IRGQ: variants seen among roughly 807,000 people sequenced by gnomAD.
IRGQ encodes the protein immunity related GTPase Q.
IRGQ carries 5 observed loss-of-function variants against 10.5 expected under a neutral mutation model. The ratio of observed to expected loss-of-function variants is 0.48; its 90% CI spans 0.25 to 1.00. IRGQ has a LOEUF of 1.00. IRGQ is among the 50% of genes least tolerant of loss of function. The probability of loss-of-function intolerance (pLI) is 0.16; values close to 1 mark genes in which losing one functional copy is unlikely to be tolerated. For missense variants in IRGQ, 792 were observed against 877.7 expected (o/e 0.90, Z 1.23); for synonymous variants, 418 against 426.0 (o/e 0.98, Z 0.23).
In IRGQ at chr19:43,592,091, G is replaced by A. The variant is rs753288288; in HGVS notation, c.1807C>T (p.Gln603Ter). The A allele has an allele frequency of 1.2e-6, 2 of 1,612,526 alleles. No homozygotes were observed. The highest frequency in any genetic ancestry group is 1.7e-6 in the Non-Finnish European group (2 of 1,179,754). The part of the protein sequence containing the change: ...GYRAAHGVLL[Q>*]ALDEMRADAE... ...TCAGCCCGCATCTCATCGAGAGCCT[G>A]CAGCAGGACGCCGTGAGCCGCTCGG... Residue 603 changes from glutamine to a stop codon, truncating the protein, a stop_gained, in exon 3 of 3, where the codon CAG (glutamine) becomes TAG (stop). Coordinates refer to ENST00000422989, the MANE Select transcript of IRGQ (RefSeq NM_001007561.3). LOFTEE classifies it high-confidence loss of function.
At position 43,595,153 on chromosome 19, in the gene IRGQ, G is replaced by A. The variant is rs1354463997; in HGVS notation, c.186C>T (p.Ser62=). 2 of 1,605,646 alleles carry A rather than the reference G, an allele frequency of 1.2e-6. No homozygotes were observed. Among genetic ancestry groups the A allele is most frequent in the Non-Finnish European group, 1.7e-6 (2 of 1,176,430 alleles). The change falls in exon 2 of 3, where the codon AGC becomes AGT. Residue 62 remains serine, a synonymous_variant. Coordinates refer to ENST00000422989, the MANE Select transcript of IRGQ (RefSeq NM_001007561.3). ...AGGGCCCCGGCGCTGCGGGTGGGCA[G>A]CTCAGCTCGCCCAGAAAAAGGCCTG... ...AGPGLFLGEL[S]CPPAAPGPWA... is the part of the protein sequence containing the mutation.
In IRGQ at chr19:43,592,595, G is replaced by T. The variant is rs199964549; in HGVS notation, c.1303C>A (p.Arg435=). The change falls in exon 3 of 3, where the codon CGG becomes AGG. Residue 435 remains arginine (R), a synonymous_variant. Coordinates refer to ENST00000422989, the MANE Select transcript of IRGQ (RefSeq NM_001007561.3). ...EEAPPPVFPL[R]PGGLPGLCEW... ...CATAGCCCTGGGAGTCCGCCAGGCCGTAGGGGGAACACTGGCGGCGGCGCC... is the reference window on the plus strand; with the variant it reads ...CATAGCCCTGGGAGTCCGCCAGGCCTTAGGGGGAACACTGGCGGCGGCGCC... 2 of 1,600,698 alleles carry T rather than the reference G, an allele frequency of 1.2e-6. No individual in the cohort carries two copies. Among genetic ancestry groups the T allele is most frequent in the Admixed American group, 1.7e-5 (1 of 60,014 alleles).
In IRGQ at chr19:43,593,231, C is replaced by T. The variant is rs1436490844; in HGVS notation, c.667G>A (p.Ala223Thr). Residue 223 changes from alanine to threonine, a missense_variant, in exon 3 of 3, where the codon GCA becomes ACA. Coordinates refer to ENST00000422989, the MANE Select transcript of IRGQ (RefSeq NM_001007561.3). The surrounding 1 kb of genome is among the most constrained non-coding windows in gnomAD (Gnocchi z 6.4). ...VRSGLERLGS[A>T]RLDLAVAGKA... ...CCAGCCACGGCCAGGTCTAGCCGTG[C>T]GCTGCCCAGGCGCTCCAGGCCTGAG... 1 of 1,585,700 alleles carries T rather than the reference C, an allele frequency of 6.3e-7. No homozygotes were observed. Among genetic ancestry groups the T allele is most frequent in the Non-Finnish European group, 8.6e-7 (1 of 1,164,154 alleles).
At position 43,592,407 on chromosome 19, in the gene IRGQ, G is replaced by T; in HGVS notation, c.1491C>A (p.Leu497=). ...LASLAAAAAP[L]PGLGWACDVA... ...CGTCGCATGCCCAGCCCAGCCCTGGGAGTGGTGCCGCCGCCGCCGCCAGAC... is the reference window on the plus strand; with the variant it reads ...CGTCGCATGCCCAGCCCAGCCCTGGTAGTGGTGCCGCCGCCGCCGCCAGAC... Residue 497 remains leucine (L), a synonymous_variant, in exon 3 of 3, where the codon CTC becomes CTA. Transcript: ENST00000422989. 1.3e-6 allele frequency: 2 copies of T among 1,576,604 alleles called. No homozygotes were observed. Among genetic ancestry groups the T allele is most frequent in the Non-Finnish European group, 1.7e-6 (2 of 1,169,248 alleles).
rs1973091355 is a variant in IRGQ at position 43,593,595 on chromosome 19, G to T, written c.531-228C>A. Among the ~76,000 whole-genome samples, 1 of 152,186 alleles carries T rather than the reference G, an allele frequency of 6.6e-6. No homozygotes were observed. Among genetic ancestry groups the T allele is most frequent in the South Asian group, 2.1e-4 (1 of 4,826 alleles). On this transcript the variant is annotated intron_variant, in intron 2 of 2. Coordinates refer to ENST00000422989, the MANE Select transcript of IRGQ (RefSeq NM_001007561.3). This position sits in a 1 kb window ranked among gnomAD's most constrained non-coding sequence, Gnocchi z 6.4. ...TGGAGTCTTGATTATTGGACGGGTG[G>T]ACATAAGGTCAGGTTTCCCACCCCA...
Position 43,595,018 on chromosome 19 carries a change from C to T in IRGQ, c.321G>A (p.Gly107=). ...GEAALAALAR[G]TPLLAVRNLR... ...GGTTCCGCACAGCCAGTAGCGGGGT[C>T]CCTCGGGCCAGGGCGGCCAGCGCTG... The change falls in exon 2 of 3, where the codon GGG becomes GGA. Residue 107 remains glycine, a synonymous_variant. Coordinates refer to ENST00000422989, the MANE Select transcript of IRGQ (RefSeq NM_001007561.3). 5.6e-6 allele frequency: 9 copies of T among 1,613,466 alleles called. No homozygotes were observed. The highest frequency in any genetic ancestry group is 7.6e-6 in the Non-Finnish European group (9 of 1,179,878).
At chr19:43,594,653 G>A (rs1600077120) in intron 2 of IRGQ, among the ~76,000 whole-genome samples, 156 bp downstream of exon 2, 2 of 152,062 alleles carry the variant, frequency 1.3e-5, no homozygotes, top group South Asian at 4.1e-4. Flanking sequence ...AGCCAACATA[G>A]CGAGACCCTG....
In IRGQ at chr19:43,592,071, C is replaced by T. The variant is rs1398550648; in HGVS notation, c.1827G>A (p.Arg609=). The T allele has an allele frequency of 6.2e-6, 10 of 1,612,362 alleles. No individual in the cohort carries two copies. The South Asian group carries it at 1.1e-4, about 18-fold the overall frequency. The change falls in exon 3 of 3, where the codon CGG becomes CGA. Residue 609 remains arginine (R), a synonymous_variant. Coordinates refer to ENST00000422989, the MANE Select transcript of IRGQ (RefSeq NM_001007561.3). Reference sequence around the variant, plus strand: ...GTGCCAGCACAGCCTCAGCATCAGCCCGCATCTCATCGAGAGCCTGCAGCA... The same window carrying T: ...GTGCCAGCACAGCCTCAGCATCAGCTCGCATCTCATCGAGAGCCTGCAGCA... ...GVLLQALDEM[R]ADAEAVLAPP...
rs750576310 is a variant in IRGQ at position 43,592,358 on chromosome 19, C to A, written c.1540G>T (p.Ala514Ser). The A allele has an allele frequency of 1.9e-6, 3 of 1,575,400 alleles. No individual in the cohort carries two copies. The highest frequency in any genetic ancestry group is 2.6e-6 in the Non-Finnish European group (3 of 1,168,900). ...CDVALLRGQL[A>S]EWRRGLGLEP... Reference sequence around the variant, plus strand: ...AGCCCCAGGCCCCGTCGCCACTCCGCCAGCTGACCCCGCAGAAGTGCCACG... The same window carrying A: ...AGCCCCAGGCCCCGTCGCCACTCCGACAGCTGACCCCGCAGAAGTGCCACG... The change falls in exon 3 of 3, where the codon GCG becomes TCG. Residue 514 changes from alanine (A) to serine (S), a missense_variant. Physicochemically the swap from Ala to Ser is moderately conservative, Grantham distance 99. Coordinates refer to ENST00000422989, the MANE Select transcript of IRGQ (RefSeq NM_001007561.3).
rs868384304 is a variant in IRGQ at position 43,591,203 on chromosome 19, G to C, written c.*823C>G. 2.6e-5 allele frequency: 4 copies of C among 152,188 alleles called. No individual in the cohort carries two copies. Among genetic ancestry groups the C allele is most frequent in the Admixed American group, 2.6e-4 (4 of 15,260 alleles). The allele number at this position is 152,188 out of a possible 1,614,324, so 9.4% of individuals were successfully genotyped here. On this transcript the variant is annotated 3_prime_UTR_variant, in exon 3 of 3. Transcript: ENST00000422989. ...GAAGTCTCAGACCCCAGGGGCCTCC[G>C]CCACCCCATCAAGATTCAAAGCCCA... is the stretch of plus-strand genomic sequence containing the variant.
rs1346778436 is a variant in IRGQ, at chr19:43,591,349, A to T, written c.*677T>A. 1 of 152,078 alleles carries T rather than the reference A, an allele frequency of 6.6e-6. No individual in the cohort carries two copies. Among genetic ancestry groups the T allele is most frequent in the Admixed American group, 6.6e-5 (1 of 15,258 alleles). 9.4% of individuals were successfully genotyped at this position (152,078 alleles called of 1,614,324 possible). ...TGGGGCGCTCAGGTCTCCCTCCCCT[A>T]TACTGGAGTTCAGGTCCCAGTCATG... is the stretch of plus-strand genomic sequence containing the variant. On this transcript the variant is annotated 3_prime_UTR_variant, in exon 3 of 3. Coordinates refer to ENST00000422989, the MANE Select transcript of IRGQ (RefSeq NM_001007561.3).
In IRGQ at chr19:43,593,003, C is replaced by T; in HGVS notation, c.895G>A (p.Ala299Thr). 1.2e-6 allele frequency: 2 copies of T among 1,607,476 alleles called. No homozygotes were observed. Among genetic ancestry groups the T allele is most frequent in the Non-Finnish European group, 1.7e-6 (2 of 1,178,408 alleles). Residue 299 changes from alanine (A) to threonine (T), a missense_variant, in exon 3 of 3, where the codon GCC becomes ACC. Physicochemically the swap from Ala to Thr is moderately conservative, Grantham distance 58 (BLOSUM62 0). Transcript: ENST00000422989. The surrounding 1 kb of genome is among the most constrained non-coding windows in gnomAD (Gnocchi z 6.4). ...GCCCCAGGGGTGACGAGGATGAGGG[C>T]GTCGTAGTGCGTTGGGTGAGAGGCG... ...AAASHPTHYD[A>T]LILVTPGAPT...
Position 43,584,560 on chromosome 19 carries a change from A to G in IRGQ, c.*7466T>C, listed in dbSNP as rs1972971767. 6.6e-6 allele frequency: 1 copy of G among 152,230 alleles called. No individual in the cohort carries two copies. The highest frequency in any genetic ancestry group is 1.5e-5 in the Non-Finnish European group (1 of 68,040). The allele number at this position is 152,230 out of a possible 1,614,324, so 9.4% of individuals were successfully genotyped here. ...GAGAAAGAGACCACATCACACACAG[A>G]GAGAACAAGTCTGTATTAGTTGCTT... On this transcript the variant is annotated 3_prime_UTR_variant, in exon 3 of 3. Coordinates refer to ENST00000422989, the MANE Select transcript of IRGQ (RefSeq NM_001007561.3).
At chr19:43,595,387 C>T in intron 1 of IRGQ, 47 bp from the exon 2 acceptor site, 1 of 1,492,414 alleles carries the variant, frequency 6.7e-7, no homozygotes, top group East Asian at 2.3e-5. Context: ...AGCACCTAGC[C>T]TTTTCCTTTC....
In IRGQ at chr19:43,594,818, G is replaced by C; in HGVS notation, c.521C>G (p.Ala174Gly). ...GAAAGCCGGCACTCACCTCCGCAGC[G>C]CTTCTGCCTGGCTCTGCAGCGCCGC... ...LRAALQSQAE[A>G]LRRLLPPAQD... Residue 174 changes from alanine to glycine, a missense_variant, in exon 2 of 3, where the codon GCG (alanine) becomes GGG (glycine). Physicochemically the swap from Ala to Gly is moderately conservative, Grantham distance 60 (BLOSUM62 0). Transcript: ENST00000422989. The C allele has an allele frequency of 1.9e-6, 3 of 1,604,726 alleles. No homozygotes were observed. The highest frequency in any genetic ancestry group is 1.1e-5 in the South Asian group (1 of 90,714).
chr19:43,594,670 A>AG, intron 2 of IRGQ, 139 bp downstream of exon 2: 1 of 633,302 alleles, frequency 1.6e-6, no homozygotes, highest in Non-Finnish European at 2.5e-6. Context: ...CCTGTCTCTC[A>AG]GGAAAAAAAA....
rs1973090214 is a variant in IRGQ, at chr19:43,593,501, T to C, written c.531-134A>G. 1.2e-6 allele frequency: 1 copy of C among 817,382 alleles called. No homozygotes were observed. Among genetic ancestry groups the C allele is most frequent in the South Asian group, 3.9e-5 (1 of 25,442 alleles). 50.6% of individuals were successfully genotyped at this position (817,382 alleles called of 1,614,324 possible). A position where few individuals can be genotyped will look rare whatever the true frequency, so the allele number is the denominator to read the frequency against. ...GGGGTAGGAAAGGGAAGGGCCAGAC[T>C]GATGGCACAGCAAATAGAAACCAGA... On this transcript the variant is annotated intron_variant, in intron 2 of 2. Transcript: ENST00000422989. The surrounding 1 kb of genome is among the most constrained non-coding windows in gnomAD (Gnocchi z 6.4).
In IRGQ at chr19:43,595,045, C is replaced by T. The variant is rs1404349207; in HGVS notation, c.294G>A (p.Glu98=). Reference sequence around the variant, plus strand: ...CTCGGGCCAGGGCGGCCAGCGCTGCCTCTCCCAGGGCTGGAGCCAACGGTT... The same window carrying T: ...CTCGGGCCAGGGCGGCCAGCGCTGCTTCTCCCAGGGCTGGAGCCAACGGTT... ...NGEPLAPALG[E]AALAALARGT... Residue 98 remains glutamate (E), a synonymous_variant, in exon 2 of 3, where the codon GAG becomes GAA. Coordinates refer to ENST00000422989, the MANE Select transcript of IRGQ (RefSeq NM_001007561.3). The T allele has an allele frequency of 6.2e-7, 1 of 1,613,284 alleles. No individual in the cohort carries two copies. Among genetic ancestry groups the T allele is most frequent in the African/African-American group, 1.3e-5 (1 of 75,068 alleles).
rs1972997320 is a variant in IRGQ, at chr19:43,586,619, T to C, written c.*5407A>G. On this transcript the variant is annotated 3_prime_UTR_variant, in exon 3 of 3. Transcript: ENST00000422989. ...AGACAGGGTCAAAGTGGCAGAAAAA[T>C]GAGGAGCACACTCCGAGCAAAGGCA... 6.6e-6 allele frequency: 1 copy of C among 151,952 alleles called. No homozygotes were observed. The highest frequency in any genetic ancestry group is 1.5e-5 in the Non-Finnish European group (1 of 68,002). The allele number at this position is 151,952 out of a possible 1,614,324, so 9.4% of individuals were successfully genotyped here.
Sources: gnomAD v4.1 joint callset for allele counts (sites outside exome capture counted in the v4.1 genomes callset) on GRCh38, gnomAD v4.1.1 for gene constraint, Gnocchi (gnomAD v3.1) non-coding constraint, MANE v1.5 for transcripts, NCBI Gene and HGNC (gene_info 2026-07-23, HGNC 2026-07-21) for gene names.